Variants in UTP20 observed in about 807,000 individuals in gnomAD.
UTP20 encodes the protein small subunit processome component 20 homolog.
In UTP20, 164 loss-of-function variants were observed where a neutral mutation model predicts 329.5. The observed-to-expected ratio is 0.50, with a 90% CI of 0.44 to 0.57. The LOEUF (loss-of-function observed/expected upper bound fraction) is 0.57, where lower values mean the gene tolerates loss of function less well. Ranked by LOEUF, UTP20 falls within the 20% of genes least tolerant of loss-of-function variation. The pLI is 0.00. For missense variants in UTP20, 3,055 were observed against 3,284.2 expected, an observed-to-expected ratio of 0.93 and a Z score of 1.71; for synonymous variants, 1,151 against 1,159.3, an observed-to-expected ratio of 0.99 and a Z score of 0.14.
chr12:101,320,335 C>A (rs2137259670), intron 23 of UTP20, among the ~76,000 whole-genome samples: 2 of 152,232 alleles, frequency 1.3e-5, no homozygotes, highest in Middle Eastern at 6.8e-3. Context: ...GCGGACAGAT[C>A]ACCTGAGCTC....
chr12:101,342,026 A>G (rs1179777824), intron 32 of UTP20, among the ~76,000 whole-genome samples: 1 of 152,332 alleles, frequency 6.6e-6, no homozygotes. Context: ...TAAAATATAC[A>G]GAAGGGTGTG....
chr12:101,280,378 G>T, intron 1 of UTP20, 51 bp downstream of exon 1: 7 of 1,549,320 alleles, frequency 4.5e-6, no homozygotes, highest in Non-Finnish European at 6.1e-6. Flanking sequence ...TGCCTCAGTC[G>T]TGAGACAGGC....
intron 16 of UTP20, among the ~76,000 whole-genome samples, 156 bp from the exon 17 acceptor site, chr12:101,306,543 T>C (rs533306924): frequency 1.3e-5 from 2 of 152,314 alleles, no homozygotes; most frequent in Admixed American, 6.5e-5. Flanking sequence ...TTGGTTGGTG[T>C]TGAATATGAA....
chr12:101,345,063 A>G (rs1869278158), intron 36 of UTP20, among the ~76,000 whole-genome samples: 1 of 144,780 alleles, frequency 6.9e-6, no homozygotes, highest in African/African-American at 2.6e-5. Context: ...CTCCTGCCTC[A>G]GCCTCCAGAG....
At chr12:101,370,312 C>A in intron 49 of UTP20, 120 bp from the exon 50 acceptor site, 1 of 1,242,876 alleles carries the variant, frequency 8.0e-7, no homozygotes, top group Non-Finnish European at 1.1e-6. Flanking sequence ...TTTGCCAAGG[C>A]TAGAGGGCTG....
chr12:101,360,837 T>C (rs946095950), intron 43 of UTP20, among the ~76,000 whole-genome samples: 2 of 151,942 alleles, frequency 1.3e-5, no homozygotes, highest in Non-Finnish European at 2.9e-5. Context: ...TCCAAAAAAA[T>C]AAAAGACCAC....
rs769498273 is a variant in UTP20, at chr12:101,340,506, G to A, written c.4014-17G>A. 46 of 1,538,140 alleles carry A rather than the reference G, an allele frequency of 3.0e-5. No individual in the cohort carries two copies. The highest frequency in any genetic ancestry group is 1.3e-4 in the South Asian group (11 of 85,946). ...CCTTGTATATGTTCCTTATATATCC[G>A]TTTTTTCCTTCTTTAGGATCAGCAA... On this transcript the variant is annotated splice_polypyrimidine_tract_variant and intron_variant, in intron 31 of 61. Transcript: ENST00000261637.
chr12:101,352,174 C>G lies in UTP20; in HGVS notation c.5004C>G (p.Ile1668Met). 1 of 1,607,376 alleles carries G rather than the reference C, an allele frequency of 6.2e-7. No individual in the cohort carries two copies. Among genetic ancestry groups the G allele is most frequent in the African/African-American group, 1.3e-5 (1 of 74,762 alleles). Residue 1668 changes from isoleucine (I) to methionine (M), a missense_variant, in exon 39 of 62, where the codon ATC becomes ATG. By Grantham distance (10) the Ile-to-Met change is conservative (BLOSUM62 1). This residue lies in a region of UTP20 where 2,445 missense variants were observed against 2,575.5 expected (regional missense o/e 0.95). Coordinates refer to ENST00000261637, the MANE Select transcript of UTP20 (RefSeq NM_014503.3). ...HFIHVLQTGQ[I>M]NQKLGVSLLV... ...TTCATGTCTTACAAACGGGACAGATCAATCAAAAACTGGGTGTCAGGTGTG... is the reference window on the plus strand; with the variant it reads ...TTCATGTCTTACAAACGGGACAGATGAATCAAAAACTGGGTGTCAGGTGTG...
At chr12:101,368,457 T>C (rs188521953) in intron 48 of UTP20, among the ~76,000 whole-genome samples, 61 of 152,146 alleles carry the variant, frequency 4.0e-4, no homozygotes, top group African/African-American at 1.5e-3. Context: ...TTTAAAGAGA[T>C]TTATGACATC....
rs1870813147 is a variant in UTP20, at chr12:101,385,958, T to C, written c.8203-10T>C. 2 of 1,548,088 alleles carry C rather than the reference T, an allele frequency of 1.3e-6. No homozygotes were observed. Among genetic ancestry groups the C allele is most frequent in the African/African-American group, 1.4e-5 (1 of 71,784 alleles). On this transcript the variant is annotated splice_polypyrimidine_tract_variant and intron_variant, in intron 61 of 61. Coordinates refer to ENST00000261637, the MANE Select transcript of UTP20 (RefSeq NM_014503.3). ...TAAAAGTAATATAAAATTTCTATTC[T>C]CTTTTCCAGTTTGTAACTAATCCTG...
chr12:101,303,601 T>G (rs1485366202), intron 15 of UTP20, among the ~76,000 whole-genome samples: 1 of 152,126 alleles, frequency 6.6e-6, no homozygotes, highest in Non-Finnish European at 1.5e-5. Context: ...AGAGGTCATC[T>G]TGGCTGAGCA....
chr12:101,334,644 G>A lies in UTP20; in HGVS notation c.3641+140G>A. 5 of 668,526 alleles carry A rather than the reference G, an allele frequency of 7.5e-6. No individual in the cohort carries two copies. In the South Asian group the frequency reaches 1.0e-4, roughly 14 times the overall value. The allele number at this position is 668,526 out of a possible 1,614,324, so 41.4% of individuals were successfully genotyped here. A position where few individuals can be genotyped will look rare whatever the true frequency, so the allele number is the denominator to read the frequency against. Reference sequence around the variant, plus strand: ...TTTGGTACAGTTAGAGAATGAGGCAGCTGAGTAAAAGCAAGGAAAGATCTC... The same window carrying A: ...TTTGGTACAGTTAGAGAATGAGGCAACTGAGTAAAAGCAAGGAAAGATCTC... On this transcript the variant is annotated intron_variant, in intron 29 of 61. Coordinates refer to ENST00000261637, the MANE Select transcript of UTP20 (RefSeq NM_014503.3).
intron 4 of UTP20, 108 bp from the exon 5 acceptor site, chr12:101,286,213 T>A: frequency 9.8e-7 from 1 of 1,017,466 alleles, no homozygotes; most frequent in Non-Finnish European, 1.4e-6. Flanking sequence ...GATTTAGAAG[T>A]ATTTTTATTT....
chr12:101,368,614 G>T (rs1204833135), intron 48 of UTP20, among the ~76,000 whole-genome samples: 1 of 152,048 alleles, frequency 6.6e-6, no homozygotes, highest in East Asian at 1.9e-4. Flanking sequence ...GAATGATTTT[G>T]TCCCCTTACC....
At chr12:101,331,845 T>C (rs915052323) in intron 27 of UTP20, among the ~76,000 whole-genome samples, 2 of 151,944 alleles carry the variant, frequency 1.3e-5, no homozygotes, top group African/African-American at 4.8e-5. Context: ...AGTTTACTAA[T>C]CAAGTGGGAA....
intron 11 of UTP20, among the ~76,000 whole-genome samples, chr12:101,294,474 C>T (rs1022198597): frequency 2.0e-5 from 3 of 151,938 alleles, no homozygotes; most frequent in African/African-American, 7.3e-5. Flanking sequence ...TCCATATTCA[C>T]CACATACTTA....
intron 41 of UTP20, among the ~76,000 whole-genome samples, chr12:101,355,630 T>C (rs1293751580): frequency 6.6e-6 from 1 of 152,228 alleles, no homozygotes; most frequent in Non-Finnish European, 1.5e-5. Flanking sequence ...TCCACTTGTT[T>C]ACGTAGTGTT....
At chr12:101,370,357 G>A (rs1870243062) in intron 49 of UTP20, 75 bp from the exon 50 acceptor site, 3 of 1,508,032 alleles carry the variant, frequency 2.0e-6, no homozygotes, top group Non-Finnish European at 2.7e-6. Flanking sequence ...TGTGTGTTGT[G>A]TTAAGTCCTT....
In UTP20 at chr12:101,302,500, A is replaced by G. The variant is rs751820486; in HGVS notation, c.1728A>G (p.Glu576=). 6.2e-7 allele frequency: 1 copy of G among 1,610,986 alleles called. No homozygotes were observed. Among genetic ancestry groups the G allele is most frequent in the East Asian group, 2.2e-5 (1 of 44,740 alleles). ...TAAATACTCTACTAAGTTTGGAAGA[A>G]TCTTCTGAACTTCTTCATTTGGTTC... ...QAVNTLLSLE[E]SSELLHLVPV... Residue 576 remains glutamate (E), a synonymous_variant, in exon 15 of 62, where the codon GAA becomes GAG. Coordinates refer to ENST00000261637, the MANE Select transcript of UTP20 (RefSeq NM_014503.3).
Sources: gnomAD v4.1 joint callset for allele counts (sites outside exome capture counted in the v4.1 genomes callset) on GRCh38, gnomAD v4.1.1 for gene constraint, gnomAD v4.1.1 regional missense constraint, MANE v1.5 for transcripts, NCBI Gene and HGNC (gene_info 2026-07-23, HGNC 2026-07-21) for gene names.